The following COL10A1 variants were observed in gnomAD, a reference collection of about 807,000 sequenced individuals.
COL10A1 encodes the protein collagen alpha-1(X) chain.
In COL10A1, 10 loss-of-function variants were observed where a neutral mutation model predicts 18.2. The observed-to-expected ratio is 0.55, with a 90% confidence interval of 0.34 to 0.93. The LOEUF (loss-of-function observed/expected upper bound fraction) is 0.93, where lower values mean the gene tolerates loss of function less well. Ranked by LOEUF, COL10A1 falls within the 40% of genes least tolerant of loss-of-function variation. The probability of loss-of-function intolerance (pLI) is 0.02; values close to 1 mark genes in which losing one functional copy is unlikely to be tolerated. For missense variants in COL10A1, 897 were observed against 853.5 expected, an observed-to-expected ratio of 1.05 and a Z score of -0.64; for synonymous variants, 330 against 316.6, an observed-to-expected ratio of 1.04 and a Z score of -0.45.
intron 1 of COL10A1, among the ~76,000 whole-genome samples, chr6:116,135,699 A>G (rs1001576467): frequency 1.3e-5 from 2 of 151,286 alleles, no homozygotes; most frequent in African/African-American, 2.4e-5. Flanking sequence ...GCAGTACTCT[A>G]AACTGTGGAT....
At chr6:116,138,788 G>T (rs1204547711) in intron 1 of COL10A1, among the ~76,000 whole-genome samples, 1 of 152,046 alleles carries the variant, frequency 6.6e-6, no homozygotes, top group Non-Finnish European at 1.5e-5. Context: ...TGTATATTTA[G>T]CATGAGTTAA....
chr6:116,128,310 A>G (rs1390886521), upstream of COL10A1, among the ~76,000 whole-genome samples: 2 of 152,198 alleles, frequency 1.3e-5, no homozygotes, highest in Non-Finnish European at 2.9e-5. Flanking sequence ...TGTCCAAAAC[A>G]GATTGTAGAA....
the COL10A1 span, among the ~76,000 whole-genome samples, chr6:116,186,079 C>A: frequency 6.6e-6 from 1 of 151,936 alleles, no homozygotes; most frequent in African/African-American, 2.4e-5. Flanking sequence ...GGCAAATTCT[C>A]GCAGCATTTG....
chr6:116,214,597 C>T, the COL10A1 span, among the ~76,000 whole-genome samples: 1 of 152,050 alleles, frequency 6.6e-6, no homozygotes, highest in Admixed American at 6.6e-5. Flanking sequence ...CCACCCCAAA[C>T]CTACTGAATC....
At chr6:116,162,024 G>A (rs1019778238), upstream of COL10A1, among the ~76,000 whole-genome samples, 46 of 152,064 alleles carry the variant, frequency 3.0e-4, no homozygotes, top group African/African-American at 1.1e-3. Flanking sequence ...GATAGTCTAT[G>A]TTTTTTTATG....
chr6:116,212,233 C>T, the COL10A1 span, among the ~76,000 whole-genome samples: 8 of 151,890 alleles, frequency 5.3e-5, no homozygotes, highest in Non-Finnish European at 1.2e-4. Flanking sequence ...CATGGAGTAA[C>T]TAGCCAGGTG....
At chr6:116,181,680 T>C in the COL10A1 span, among the ~76,000 whole-genome samples, 297 of 152,104 alleles carry the variant, frequency 2.0e-3, no homozygotes, top group African/African-American at 6.6e-3. Flanking sequence ...TGCAAGTACC[T>C]AGGGATAAAT....
intron 1 of COL10A1, among the ~76,000 whole-genome samples, chr6:116,147,368 G>A (rs1203461909): frequency 1.3e-5 from 2 of 151,956 alleles, no homozygotes; most frequent in Admixed American, 1.3e-4. Context: ...CTTGAACCCG[G>A]GAGGCAGAGG....
chr6:116,120,946 G>C lies in COL10A1; in HGVS notation c.1170C>G (p.Tyr390Ter), dbSNP rs1779100675. The C allele has an allele frequency of 1.2e-6, 2 of 1,613,630 alleles. No homozygotes were observed. Among genetic ancestry groups the C allele is most frequent in the Non-Finnish European group, 1.7e-6 (2 of 1,179,872 alleles). Residue 390 changes from tyrosine (Y) to a stop codon, truncating the protein, a stop_gained, in exon 3 of 3, where the codon TAC becomes TAG. Transcript: ENST00000651968. LOFTEE classifies it low-confidence loss of function (END_TRUNC). ...GACCATCGAGACCTGGTTTTCCTGG[G>C]TACCCTGGTTTTCCATCTGACCCAG... is the stretch of plus-strand genomic sequence containing the variant. Reference protein sequence around the residue: ...GSPGSDGKPGYPGKPGLDGPK... With the variant: ...GSPGSDGKPG
At chr6:116,169,167 G>T in the COL10A1 span, among the ~76,000 whole-genome samples, 1 of 152,024 alleles carries the variant, frequency 6.6e-6, no homozygotes, top group African/African-American at 2.4e-5. Flanking sequence ...AGCTTTCTGG[G>T]TTTCTCTTTT....
the COL10A1 span, among the ~76,000 whole-genome samples, chr6:116,206,185 C>A: frequency 2.0e-5 from 3 of 152,092 alleles, no homozygotes; most frequent in East Asian, 5.8e-4. Context: ...CAGGGCAATT[C>A]CATGATGCAG....
At chr6:116,174,554 G>T in the COL10A1 span, among the ~76,000 whole-genome samples, 71,469 of 152,020 alleles carry the variant, frequency 0.47, 17,504 homozygotes, top group African/African-American at 0.61. Flanking sequence ...TTTCCTATTC[G>T]TGTTTTGTTT....
upstream of COL10A1, among the ~76,000 whole-genome samples, chr6:116,127,094 A>G (rs191666273): frequency 2.9e-4 from 44 of 152,306 alleles, no homozygotes; most frequent in African/African-American, 1.0e-3. Context: ...CAAATTGACT[A>G]TGCAGGTGAA....
chr6:116,140,391 T>C (rs1264673081), intron 1 of COL10A1, among the ~76,000 whole-genome samples: 2 of 152,148 alleles, frequency 1.3e-5, no homozygotes, highest in African/African-American at 4.8e-5. Context: ...CATTCCTGGT[T>C]TCCACAATTT....
chr6:116,208,557 C>T, the COL10A1 span, among the ~76,000 whole-genome samples: 7 of 152,000 alleles, frequency 4.6e-5, no homozygotes, highest in Non-Finnish European at 8.8e-5. Context: ...TGCCTTTATT[C>T]GTTCATCTCA....
the COL10A1 span, among the ~76,000 whole-genome samples, chr6:116,165,996 C>G: frequency 9.3e-3 from 1,412 of 152,316 alleles, 17 homozygotes; most frequent in African/African-American, 0.031. Flanking sequence ...ACTCTGTGCT[C>G]TGTCCCCAGG....
intron 1 of COL10A1, among the ~76,000 whole-genome samples, chr6:116,156,330 A>C (rs12210252): frequency 0.18 from 27,277 of 152,154 alleles, 3,272 homozygotes; most frequent in Middle Eastern, 0.33. Context: ...TTTAGGTTGT[A>C]GATCTCATTC....
At position 116,150,636 on chromosome 6, in the gene COL10A1, G is replaced by A. The variant is rs77441972; in HGVS notation, c.-16+7978C>T. Among the ~76,000 whole-genome samples, 934 of 152,238 alleles carry A rather than the reference G, an allele frequency of 6.1e-3. 7 individuals carry two copies. Among genetic ancestry groups the A allele is most frequent in the Middle Eastern group, 0.031 (9 of 294 alleles). On this transcript the variant is annotated intron_variant, in intron 1 of 1. Coordinates refer to the COL10A1 transcript ENST00000418500. ...GGGGCAGTGGAAATAGAAGTCCCTG[G>A]ACAAGAGTGAGTTTTAGGTACTTTA...
intron 1 of COL10A1, among the ~76,000 whole-genome samples, chr6:116,149,624 G>C (rs1779985048): frequency 2.0e-5 from 3 of 152,158 alleles, no homozygotes; most frequent in Admixed American, 2.0e-4. Context: ...TGGAGAAATT[G>C]TTTTTCCAAA....
Sources: gnomAD v4.1 joint callset for allele counts (sites outside exome capture counted in the v4.1 genomes callset) on GRCh38, gnomAD v4.1.1 for gene constraint, MANE v1.5 for transcripts, NCBI Gene and HGNC (gene_info 2026-07-23, HGNC 2026-07-21) for gene names.